TCERG1L: variants seen among roughly 807,000 people sequenced by gnomAD.
TCERG1L encodes the protein transcription elongation regulator 1-like protein.
A neutral mutation model predicts 56.3 loss-of-function variants in TCERG1L; 37 were observed. The observed-to-expected ratio is 0.66, with a 90% confidence interval of 0.51 to 0.87. The LOEUF (loss-of-function observed/expected upper bound fraction) is 0.87, where lower values mean the gene tolerates loss of function less well. TCERG1L is among the 40% of genes least tolerant of loss of function. The probability of loss-of-function intolerance (pLI) is 0.00; values close to 1 mark genes in which losing one functional copy is unlikely to be tolerated. For synonymous variants in TCERG1L, 324 were observed against 326.3 expected (o/e 0.99, Z 0.08); for missense variants, 799 against 774.2 (o/e 1.03, Z -0.38).
intron 3 of TCERG1L, among the ~76,000 whole-genome samples, chr10:131,278,997 C>T (rs1434437913): frequency 3.3e-5 from 5 of 152,174 alleles, no homozygotes; most frequent in Admixed American, 6.5e-5. Flanking sequence ...TGAGAAAGTC[C>T]GTCTCCCTCA....
intron 4 of TCERG1L, among the ~76,000 whole-genome samples, chr10:131,167,279 G>GC (rs1846040936): frequency 6.6e-6 from 1 of 152,210 alleles, no homozygotes; most frequent in African/African-American, 2.4e-5. Flanking sequence ...TCCATCTGGT[G>GC]ACAATCACCA....
At chr10:131,105,374 C>T (rs1475206222) in intron 9 of TCERG1L, among the ~76,000 whole-genome samples, 1 of 151,904 alleles carries the variant, frequency 6.6e-6, no homozygotes, top group East Asian at 1.9e-4. Flanking sequence ...ACAGCCCACA[C>T]TTAGGGGTAC....
At chr10:131,098,710 T>C (rs1199350216) in intron 10 of TCERG1L, among the ~76,000 whole-genome samples, 1 of 152,224 alleles carries the variant, frequency 6.6e-6, no homozygotes, top group Non-Finnish European at 1.5e-5. Context: ...GGAGAATGAC[T>C]TGGCTGCCCT....
chr10:131,093,459 G>A (rs1049882425), intron 11 of TCERG1L, 141 bp from the exon 12 acceptor site: 3 of 996,870 alleles, frequency 3.0e-6, no homozygotes, highest in Non-Finnish European at 4.4e-6. Flanking sequence ...CGGTGGGTGA[G>A]CGGCTCTGAC....
At chr10:131,130,781 T>C (rs1466387725) in intron 8 of TCERG1L, among the ~76,000 whole-genome samples, 1 of 152,138 alleles carries the variant, frequency 6.6e-6, no homozygotes, top group Non-Finnish European at 1.5e-5. Context: ...TGGGGGAAAC[T>C]GACTCCCCCA....
chr10:131,174,576 C>T (rs1205031007), intron 4 of TCERG1L, among the ~76,000 whole-genome samples: 1 of 152,228 alleles, frequency 6.6e-6, no homozygotes, highest in Non-Finnish European at 1.5e-5. Context: ...TGAGATCCCA[C>T]AGCACCTCGT....
intron 3 of TCERG1L, among the ~76,000 whole-genome samples, chr10:131,285,527 AGAAAGAAAAG>A (rs1564833964): frequency 1.6e-5 from 1 of 64,022 alleles, no homozygotes; most frequent in African/African-American, 5.9e-5. Flanking sequence ...AAAGAAAGAG[AGAAAGAAAAG>A]AAAAGAAAGA....
rs748229777 is a variant in TCERG1L at position 131,116,871 on chromosome 10, C to T, written c.1323G>A (p.Thr441=). Residue 441 remains threonine (T), a synonymous_variant, in exon 9 of 12, where the codon ACG becomes ACA. Coordinates refer to ENST00000368642, the MANE Select transcript of TCERG1L (RefSeq NM_174937.4). ...GAGGCAGGAGGATCTGCGGGGGCGG[C>T]GTCCTTGTGCCTTTGTCCTCTCTCT... ...EAKREDKGTR[T]PPPQILLPLE... 1.3e-5 allele frequency: 21 copies of T among 1,594,104 alleles called. No individual in the cohort carries two copies. Among genetic ancestry groups the T allele is most frequent in the African/African-American group, 5.4e-5 (4 of 74,554 alleles).
At chr10:131,188,381 C>A (rs2133459845) in intron 4 of TCERG1L, among the ~76,000 whole-genome samples, 1 of 152,244 alleles carries the variant, frequency 6.6e-6, no homozygotes. Flanking sequence ...ATAAAAGATT[C>A]ATCTTGCCCA....
intron 4 of TCERG1L, among the ~76,000 whole-genome samples, chr10:131,239,360 T>C (rs2133518979): frequency 6.6e-6 from 1 of 152,284 alleles, no homozygotes; most frequent in East Asian, 1.9e-4. Context: ...CGAATAAGAA[T>C]GAGAATGAAA....
intron 4 of TCERG1L, among the ~76,000 whole-genome samples, chr10:131,204,815 G>C (rs749731257): frequency 2.0e-5 from 3 of 152,230 alleles, no homozygotes; most frequent in African/African-American, 7.2e-5. Context: ...GTTGGCTGGA[G>C]AGAAGAGCCC....
chr10:131,218,031 G>C (rs1477378671), intron 4 of TCERG1L, among the ~76,000 whole-genome samples: 1 of 152,128 alleles, frequency 6.6e-6, no homozygotes, highest in African/African-American at 2.4e-5. Flanking sequence ...GCTGTAGCTG[G>C]CTTTTAAGTT....
At chr10:131,280,227 T>G (rs1375548714) in intron 3 of TCERG1L, among the ~76,000 whole-genome samples, 2 of 151,148 alleles carry the variant, frequency 1.3e-5, no homozygotes, top group African/African-American at 2.4e-5. Context: ...GAGTTCCTGA[T>G]GAGCCTCTCC....
chr10:131,289,242 G>C (rs1846580632), intron 3 of TCERG1L, among the ~76,000 whole-genome samples: 1 of 151,606 alleles, frequency 6.6e-6, no homozygotes, highest in African/African-American at 2.4e-5. Flanking sequence ...AGCGTCACGT[G>C]ACGGAGAAGA....
At chr10:131,093,389 G>A in intron 11 of TCERG1L, 71 bp from the exon 12 acceptor site, 1 of 1,553,768 alleles carries the variant, frequency 6.4e-7, no homozygotes, top group Non-Finnish European at 8.7e-7. Flanking sequence ...TCCTGCAGCG[G>A]CACCGCCTGA....
intron 6 of TCERG1L, among the ~76,000 whole-genome samples, chr10:131,148,673 A>AGGCTGGAGAAAGGAATCATG (rs1845829732): frequency 6.6e-6 from 1 of 151,792 alleles, no homozygotes; most frequent in Admixed American, 6.6e-5. Flanking sequence ...CCTGGCCTTG[A>AGGCTGGAGAAAGGAATCATG]GGCTGGAGAA....
Position 131,136,951 on chromosome 10 carries a change from C to A in TCERG1L, c.1190-2503G>T, listed in dbSNP as rs537322665. On this transcript the variant is annotated intron_variant, in intron 7 of 11. Transcript: ENST00000368642. ...GGTCAGGAGTTCGAGACCAGCCTGG[C>A]CAACATGGTGAAACCTCGTTTCTAC... 7.3e-5 allele frequency among the ~76,000 whole-genome samples: 11 copies of A among 151,656 alleles called. No homozygotes were observed. The East Asian group carries it at 2.2e-3, about 31-fold the overall frequency.
chr10:131,134,560 G>C lies in TCERG1L; in HGVS notation c.1190-112C>G, dbSNP rs1032099226. On this transcript the variant is annotated intron_variant, in intron 7 of 11. Transcript: ENST00000368642. ...ACTTATCTAGAAATTAAGACAACAG[G>C]CTTCTCTTAAAGATTGATGTGAAAT... 1.3e-5 allele frequency: 10 copies of C among 780,136 alleles called. No homozygotes were observed. The Admixed American group carries it at 1.7e-4, about 13-fold the overall frequency. 48.3% of individuals were successfully genotyped at this position (780,136 alleles called of 1,614,324 possible). A position where few individuals can be genotyped will look rare whatever the true frequency, so the allele number is the denominator to read the frequency against.
intron 9 of TCERG1L, among the ~76,000 whole-genome samples, chr10:131,115,574 G>T (rs919793195): frequency 1.6e-5 from 1 of 62,458 alleles, no homozygotes; most frequent in South Asian, 7.5e-4. Context: ...GGCCTGACAC[G>T]GGGTATTGCA....
Sources: allele counts gnomAD v4.1 joint callset (sites outside exome capture counted in the v4.1 genomes callset), GRCh38; gene constraint gnomAD v4.1.1; transcripts MANE v1.5; gene names NCBI Gene and HGNC (gene_info 2026-07-23, HGNC 2026-07-21).